LRP1B: variants seen among roughly 807,000 people sequenced by gnomAD.
The protein encoded by LRP1B is low-density lipoprotein receptor-related protein 1B.
Under a neutral mutation model 556.6 loss-of-function variants are expected in LRP1B, and 217 were observed. The ratio of observed to expected loss-of-function variants is 0.39; its 90% CI spans 0.35 to 0.44. The LOEUF (loss-of-function observed/expected upper bound fraction) is 0.44, where lower values mean the gene tolerates loss of function less well. LRP1B is among the 20% of genes least tolerant of loss of function. LRP1B has a pLI of 1.00. For missense variants in LRP1B, 5,053 were observed against 5,620.8 expected (o/e 0.90, Z 3.23); for synonymous variants, 2,047 against 1,865.8 (o/e 1.10, Z -2.50).
chr2:140,765,711 T>G (rs541494858), intron 35 of LRP1B, among the ~76,000 whole-genome samples: 1 of 152,284 alleles, frequency 6.6e-6, no homozygotes, highest in Admixed American at 6.5e-5. Context: ...AAAGCTTTAA[T>G]TTATTACAAT....
intron 1 of LRP1B, among the ~76,000 whole-genome samples, chr2:142,082,203 T>A (rs1292786746): frequency 1.3e-5 from 2 of 152,168 alleles, no homozygotes; most frequent in African/African-American, 4.8e-5. Flanking sequence ...GTACTAAAAT[T>A]TCTCTACTAC....
intron 7 of LRP1B, among the ~76,000 whole-genome samples, chr2:141,176,820 A>G (rs530540806): frequency 1.4e-4 from 22 of 152,206 alleles, no homozygotes; most frequent in African/African-American, 4.8e-4. Flanking sequence ...ACTCCACCCA[A>G]TTTGAGATAT....
At chr2:140,396,878 A>G (rs1684279800) in intron 66 of LRP1B, among the ~76,000 whole-genome samples, 1 of 152,182 alleles carries the variant, frequency 6.6e-6, no homozygotes, top group Non-Finnish European at 1.5e-5. Context: ...TTTGGTTGTC[A>G]GCACTGATTT....
At chr2:141,375,054 T>C (rs1689376518) in intron 3 of LRP1B, among the ~76,000 whole-genome samples, 1 of 152,148 alleles carries the variant, frequency 6.6e-6, no homozygotes, top group African/African-American at 2.4e-5. Context: ...TGAAGATGTA[T>C]GTATGTTGTT....
At chr2:142,005,380 T>A (rs568513982) in intron 1 of LRP1B, among the ~76,000 whole-genome samples, 1 of 152,184 alleles carries the variant, frequency 6.6e-6, no homozygotes, top group East Asian at 1.9e-4. Flanking sequence ...AATAAGATGA[T>A]TAAATGGCAG....
intron 7 of LRP1B, among the ~76,000 whole-genome samples, chr2:141,123,987 T>A (rs114113736): frequency 1.9e-3 from 292 of 152,240 alleles, no homozygotes; most frequent in African/African-American, 6.7e-3. Flanking sequence ...AAGAAATGAA[T>A]ATGTCTAATT....
chr2:140,995,667 T>C (rs1697225319), intron 15 of LRP1B, among the ~76,000 whole-genome samples: 1 of 152,022 alleles, frequency 6.6e-6, no homozygotes, highest in African/African-American at 2.4e-5. Context: ...ACAGCTTTGA[T>C]GGCTATAATC....
chr2:140,799,645 A>G (rs769770652), intron 32 of LRP1B, among the ~76,000 whole-genome samples: 6 of 152,218 alleles, frequency 3.9e-5, no homozygotes, highest in Non-Finnish European at 8.8e-5. Flanking sequence ...TACAAATACC[A>G]CTGCAAAGGA....
chr2:141,943,213 C>G (rs1215791542), intron 1 of LRP1B, among the ~76,000 whole-genome samples: 1 of 152,048 alleles, frequency 6.6e-6, no homozygotes, highest in Non-Finnish European at 1.5e-5. Flanking sequence ...TAAAAATAGA[C>G]TTTTAAAAGA....
chr2:140,599,235 T>C lies in LRP1B; in HGVS notation c.6990-400A>G, dbSNP rs369064860. The stretch of plus-strand genomic sequence containing the variant: ...CCAGTACAATCATTCTTATCCTAAG[T>C]ATACTTATTTGCTTCAATTGATGAA... On this transcript the variant is annotated intron_variant, in intron 42 of 90. Transcript: ENST00000389484. Among the ~76,000 whole-genome samples, 23 of 152,244 alleles carry C rather than the reference T, an allele frequency of 1.5e-4. No homozygotes were observed. The South Asian group carries it at 4.6e-3, about 30-fold the overall frequency.
At chr2:140,820,129 C>A (rs1691272713) in intron 31 of LRP1B, among the ~76,000 whole-genome samples, 1 of 151,872 alleles carries the variant, frequency 6.6e-6, no homozygotes, top group South Asian at 2.1e-4. Flanking sequence ...CCTCCCATAC[C>A]GCCCTGCTAA....
intron 2 of LRP1B, among the ~76,000 whole-genome samples, chr2:141,707,308 T>C (rs912784047): frequency 4.6e-5 from 7 of 152,080 alleles, no homozygotes; most frequent in Non-Finnish European, 7.4e-5. Flanking sequence ...CTATTCCTCA[T>C]CCTGAATACC....
In LRP1B at chr2:140,873,937, G is replaced by T. The variant is rs188173258; in HGVS notation, c.4170-5674C>A. 5.4e-3 allele frequency among the ~76,000 whole-genome samples: 811 copies of T among 150,432 alleles called. 3 individuals carry two copies. The highest frequency in any genetic ancestry group is 9.2e-3 in the Non-Finnish European group (623 of 67,808). Reference sequence around the variant, plus strand: ...GTAAAGAAAGTTATAAAAATAAAGAGGTTTTTTTTTGGTAAGAAAGCTTAA... The same window carrying T: ...GTAAAGAAAGTTATAAAAATAAAGATGTTTTTTTTTGGTAAGAAAGCTTAA... On this transcript the variant is annotated intron_variant, in intron 25 of 90. Coordinates refer to ENST00000389484, the MANE Select transcript of LRP1B (RefSeq NM_018557.3).
intron 40 of LRP1B, among the ~76,000 whole-genome samples, chr2:140,701,000 T>A (rs77982537): frequency 6.6e-6 from 1 of 152,080 alleles, no homozygotes; most frequent in African/African-American, 2.4e-5. Flanking sequence ...AACTCTATCT[T>A]TGAGATATGG....
Position 140,244,578 on chromosome 2 carries a change from T to G in LRP1B, c.13324+2508A>C, listed in dbSNP as rs532567937. On this transcript the variant is annotated intron_variant, in intron 87 of 90. Transcript: ENST00000389484. ...CAAAATATCTTCAGAAGAGTCAGAC[T>G]AGATTTTTAAAATGGAACCTGAGCA... Among the ~76,000 whole-genome samples, 31 of 151,400 alleles carry G rather than the reference T, an allele frequency of 2.0e-4. 1 individual carries two copies. The South Asian group carries it at 3.9e-3, about 19-fold the overall frequency.
chr2:141,229,005 A>T (rs1322918342), intron 6 of LRP1B, among the ~76,000 whole-genome samples, 178 bp downstream of exon 6: 2 of 152,208 alleles, frequency 1.3e-5, no homozygotes, highest in Non-Finnish European at 2.9e-5. Context: ...GAGAAAGTTT[A>T]TGTGTATGTG....
At chr2:141,945,760 T>C (rs1341660252) in intron 1 of LRP1B, among the ~76,000 whole-genome samples, 3 of 141,256 alleles carry the variant, frequency 2.1e-5, no homozygotes, top group African/African-American at 7.4e-5. Flanking sequence ...TCAATGCACT[T>C]CATCTGTCTC....
chr2:140,665,275 A>C (rs1685227733), intron 41 of LRP1B, among the ~76,000 whole-genome samples: 1 of 152,216 alleles, frequency 6.6e-6, no homozygotes, highest in South Asian at 2.1e-4. Flanking sequence ...AATAGCATAA[A>C]AATGTGGTAA....
At chr2:141,325,837 A>C (rs1687409994) in intron 3 of LRP1B, among the ~76,000 whole-genome samples, 1 of 152,114 alleles carries the variant, frequency 6.6e-6, no homozygotes, top group Non-Finnish European at 1.5e-5. Context: ...GGAAAGCAGC[A>C]AAGATTGAAC....
Sources: gnomAD v4.1 joint callset for allele counts (sites outside exome capture counted in the v4.1 genomes callset) on GRCh38, gnomAD v4.1.1 for gene constraint, MANE v1.5 for transcripts, NCBI Gene and HGNC (gene_info 2026-07-23, HGNC 2026-07-21) for gene names.